The following ANKH variants were observed in gnomAD, a reference collection of about 807,000 sequenced individuals.
The protein encoded by ANKH is ANKH inorganic pyrophosphate transport regulator, also known as mineralization regulator ANKH.
ANKH carries 15 observed loss-of-function variants against 49.0 expected under a neutral mutation model. That is an observed-to-expected ratio of 0.31 (90% CI 0.20 to 0.47). The LOEUF (loss-of-function observed/expected upper bound fraction) is 0.47. Ranked by LOEUF, ANKH falls within the 20% of genes least tolerant of loss-of-function variation. The pLI is 1.00. For missense variants in ANKH, 429 were observed against 652.0 expected, an observed-to-expected ratio of 0.66 and a Z score of 3.72; for synonymous variants, 273 against 260.0, an observed-to-expected ratio of 1.05 and a Z score of -0.48.
chr5:14,806,161 T>C (rs1265042525), intron 1 of ANKH, among the ~76,000 whole-genome samples: 1 of 152,136 alleles, frequency 6.6e-6, no homozygotes, highest in African/African-American at 2.4e-5. Flanking sequence ...ACACTAAAGG[T>C]ACAGACTGCC....
intron 1 of ANKH, among the ~76,000 whole-genome samples, chr5:14,813,747 CTT>C (rs946920099): frequency 6.6e-6 from 1 of 152,228 alleles, no homozygotes; most frequent in African/African-American, 2.4e-5. Context: ...TCCGTTGCTT[CTT>C]GCCATTGCTC....
chr5:14,815,976 T>C (rs758832364), intron 1 of ANKH, among the ~76,000 whole-genome samples: 2 of 152,220 alleles, frequency 1.3e-5, no homozygotes, highest in Non-Finnish European at 2.9e-5. Context: ...TTTTTCTGTT[T>C]GCTCATCCTT....
chr5:14,719,294 T>G (rs1737589820), intron 8 of ANKH, among the ~76,000 whole-genome samples: 1 of 152,226 alleles, frequency 6.6e-6, no homozygotes, highest in Non-Finnish European at 1.5e-5. Context: ...AAAAATATTT[T>G]CAATATTCAG....
intron 6 of ANKH, among the ~76,000 whole-genome samples, chr5:14,748,089 T>C (rs79490350): frequency 0.028 from 4,327 of 152,290 alleles, 202 homozygotes; most frequent in African/African-American, 0.099. Flanking sequence ...TTTGTCCTTT[T>C]TCTTTTTTTT....
chr5:14,716,827 G>A lies in ANKH; in HGVS notation c.1020C>T (p.Phe340=), dbSNP rs1157196267. Residue 340 remains phenylalanine (F), a synonymous_variant, in exon 9 of 12, where the codon TTC becomes TTT. Transcript: ENST00000284268. The stretch of plus-strand genomic sequence containing the variant: ...ACACGTTGGGTGTCCAAAACATCAC[G>A]AAACAGAGCTGGGGAGAAAGACATC... ...VCMALSLTLC[F]VMFWTPNVSE... 6.2e-6 allele frequency: 10 copies of A among 1,613,948 alleles called. No individual in the cohort carries two copies. The highest frequency in any genetic ancestry group is 1.7e-4 in the Middle Eastern group (1 of 6,060).
intron 1 of ANKH, among the ~76,000 whole-genome samples, chr5:14,796,486 A>C (rs1447602680): frequency 6.6e-6 from 1 of 151,660 alleles, no homozygotes; most frequent in Non-Finnish European, 1.5e-5. Context: ...CAAAAAAAAA[A>C]AAAACACCAT....
intron 1 of ANKH, among the ~76,000 whole-genome samples, chr5:14,834,735 C>T (rs1028459876): frequency 1.3e-5 from 2 of 152,158 alleles, no homozygotes; most frequent in Admixed American, 6.5e-5. Flanking sequence ...GAGCAGAGAT[C>T]GCGCCACTAC....
chr5:14,813,902 A>G (rs1490442752), intron 1 of ANKH, among the ~76,000 whole-genome samples: 4 of 151,822 alleles, frequency 2.6e-5, no homozygotes, highest in East Asian at 1.9e-4. Flanking sequence ...TCTCCCACCA[A>G]TGCTCCCACA....
chr5:14,777,817 G>A (rs1171478804), intron 1 of ANKH, among the ~76,000 whole-genome samples: 1 of 152,222 alleles, frequency 6.6e-6, no homozygotes, highest in Non-Finnish European at 1.5e-5. Flanking sequence ...GCACTGATGT[G>A]TAGACAGATT....
intron 1 of ANKH, among the ~76,000 whole-genome samples, chr5:14,861,936 C>G (rs994129748): frequency 6.6e-6 from 1 of 152,158 alleles, no homozygotes; most frequent in Non-Finnish European, 1.5e-5. Flanking sequence ...CCTGGATGGA[C>G]TTTAAGAGTA....
intron 1 of ANKH, among the ~76,000 whole-genome samples, chr5:14,841,747 C>A (rs140683302): frequency 6.6e-6 from 1 of 152,182 alleles, no homozygotes; most frequent in Non-Finnish European, 1.5e-5. Context: ...ATTATCTTTC[C>A]GCCAAGCCCC....
intron 1 of ANKH, chr5:14,798,549 AT>A (rs1740465350): frequency 1.6e-6 from 1 of 625,048 alleles, no homozygotes. Context: ...AAGCAAGTCT[AT>A]TGGCACCATT....
chr5:14,839,045 T>G (rs917518311), intron 1 of ANKH, among the ~76,000 whole-genome samples: 2 of 152,208 alleles, frequency 1.3e-5, no homozygotes, highest in Non-Finnish European at 2.9e-5. Flanking sequence ...TAAAGTGATT[T>G]TGACCCAGTT....
At chr5:14,866,489 T>C (rs1342778762) in intron 1 of ANKH, among the ~76,000 whole-genome samples, 8 of 152,238 alleles carry the variant, frequency 5.3e-5, no homozygotes, top group Non-Finnish European at 1.5e-5. Context: ...TGTCATTTGG[T>C]GAATTTGGCT....
In ANKH at chr5:14,770,583, C is replaced by A. The variant is rs1306121207; in HGVS notation, c.97-1392G>T. Among the ~76,000 whole-genome samples, 1 of 152,128 alleles carries A rather than the reference C, an allele frequency of 6.6e-6. No homozygotes were observed. Among genetic ancestry groups the A allele is most frequent in the Admixed American group, 6.5e-5 (1 of 15,276 alleles). On this transcript the variant is annotated intron_variant, in intron 1 of 11. Transcript: ENST00000284268. The surrounding 1 kb of genome is among the most constrained non-coding windows in gnomAD (Gnocchi z 4.1). ...GTGGTCTTTCTCTCAAAATATCTTA[C>A]TGTACTCCTTGTGATGAGGAAGAGA...
intron 1 of ANKH, among the ~76,000 whole-genome samples, chr5:14,796,747 T>C (rs1488954508): frequency 6.6e-6 from 1 of 152,220 alleles, no homozygotes; most frequent in Non-Finnish European, 1.5e-5. Context: ...TTATACTTCA[T>C]GGCTCAGACA....
intron 1 of ANKH, among the ~76,000 whole-genome samples, chr5:14,809,354 A>AAAAAG (rs1561065397): frequency 7.7e-5 from 10 of 130,296 alleles, no homozygotes; most frequent in Non-Finnish European, 1.3e-4. Context: ...AAAAAAAAAA[A>AAAAAG]AAAGAAAAAA....
intron 1 of ANKH, among the ~76,000 whole-genome samples, chr5:14,791,470 C>T (rs567297563): frequency 6.6e-6 from 1 of 152,278 alleles, no homozygotes; most frequent in South Asian, 2.1e-4. Flanking sequence ...ACCCAAGCTC[C>T]TACGGCTGTA....
At chr5:14,712,998 T>A (rs567513671) in intron 10 of ANKH, 25 bp from the exon 11 acceptor site, 1 of 1,603,448 alleles carries the variant, frequency 6.2e-7, no homozygotes, top group East Asian at 2.2e-5. Context: ...ACAAAGGCAA[T>A]TTGTCTGTTA....
Sources: allele counts gnomAD v4.1 joint callset (sites outside exome capture counted in the v4.1 genomes callset), GRCh38; gene constraint gnomAD v4.1.1; non-coding constraint Gnocchi (gnomAD v3.1); transcripts MANE v1.5; gene names NCBI Gene and HGNC (gene_info 2026-07-23, HGNC 2026-07-21).